Variants in HMCN2 observed in about 807,000 individuals in gnomAD.
The protein encoded by HMCN2 is hemicentin 2, also known as hemicentin-2.
Under a neutral mutation model 377.5 loss-of-function variants are expected in HMCN2, and 325 were observed. The observed-to-expected ratio is 0.86, with a 90% CI of 0.79 to 0.94. The LOEUF is 0.94. Among genes scored for constraint, HMCN2 ranks in the 40% least tolerant of loss-of-function variants. The probability of loss-of-function intolerance (pLI) is 0.00; values close to 1 mark genes in which losing one functional copy is unlikely to be tolerated. For synonymous variants in HMCN2, 2,007 were observed against 2,046.8 expected (o/e 0.98, Z 0.53); for missense variants, 4,543 against 4,725.3 (o/e 0.96, Z 1.13).
chr9:130,295,757 G>A lies in HMCN2; in HGVS notation c.876G>A (p.Gly292=), dbSNP rs1554931852. Reference sequence around the variant, plus strand: ...TAGCCTTTAAGCCTGAGCATCCGGGGCTGTGGTCCATCAAGGTAGGGGCAC... The same window carrying A: ...TAGCCTTTAAGCCTGAGCATCCGGGACTGTGGTCCATCAAGGTAGGGGCAC... ...KVVAFKPEHP[G]LWSIKVYSSG... The change falls in exon 6 of 98, where the codon GGG becomes GGA. Residue 292 remains glycine (G), a synonymous_variant. Coordinates refer to ENST00000683500, the MANE Select transcript of HMCN2 (RefSeq NM_001291815.2). 1 of 470,906 alleles carries A rather than the reference G, an allele frequency of 2.1e-6. No individual in the cohort carries two copies. The highest frequency in any genetic ancestry group is 2.0e-5 in the African/African-American group (1 of 50,064). 29.2% of individuals were successfully genotyped at this position (470,906 alleles called of 1,614,324 possible).
chr9:130,360,751 A>ACCATCCATCCATCCATCCATCCAT lies in HMCN2; in HGVS notation c.5950+162_5950+185dup, dbSNP rs199552416. The ACCATCCATCCATCCATCCATCCAT allele has an allele frequency of 2.1e-5, 6 of 280,512 alleles. No individual in the cohort carries two copies. Among genetic ancestry groups the ACCATCCATCCATCCATCCATCCAT allele is most frequent in the Non-Finnish European group, 3.4e-5 (5 of 145,300 alleles). The allele number at this position is 280,512 out of a possible 1,614,324, so 17.4% of individuals were successfully genotyped here. On this transcript the variant is annotated intron_variant, in intron 38 of 97. Transcript: ENST00000683500. The surrounding 1 kb of genome is among the most constrained non-coding windows in gnomAD (Gnocchi z 4.7). ...ACCCCATCCATCCATCATCCATCCA[A>ACCATCCATCCATCCATCCATCCAT]CCATCCATCCATCCATCCATCCATC...
intron 27 of HMCN2, 98 bp from the exon 28 acceptor site, chr9:130,348,886 C>T: frequency 8.2e-7 from 1 of 1,222,432 alleles, no homozygotes. Flanking sequence ...ACCGTTCTGG[C>T]CACTGGCCAC....
At chr9:130,408,165 G>A (rs1381297724) in intron 83 of HMCN2, among the ~76,000 whole-genome samples, 1 of 152,158 alleles carries the variant, frequency 6.6e-6, no homozygotes, top group Non-Finnish European at 1.5e-5. Context: ...ACAACCTCAG[G>A]ATGGGTGGGG....
intron 85 of HMCN2, 129 bp from the exon 86 acceptor site, chr9:130,418,643 G>A (rs1843819268): frequency 1.4e-6 from 1 of 701,500 alleles, no homozygotes; most frequent in Non-Finnish European, 2.1e-6. Context: ...CTGGGTGGAA[G>A]GATCCTATGC....
rs1250142734 is a variant in HMCN2 at position 130,303,368 on chromosome 9, C to T, written c.1422-119C>T. The T allele has an allele frequency of 2.3e-5, 7 of 305,218 alleles. No homozygotes were observed. The highest frequency in any genetic ancestry group is 1.1e-4 in the African/African-American group (5 of 44,480). The allele number at this position is 305,218 out of a possible 1,614,324, so 18.9% of individuals were successfully genotyped here. A position where few individuals can be genotyped will look rare whatever the true frequency, so the allele number is the denominator to read the frequency against. Reference sequence around the variant, plus strand: ...TGCTTGGCTGTGTATGTCTTCTTACCGCATCTCACAGAGGAATTGGGGTCT... The same window carrying T: ...TGCTTGGCTGTGTATGTCTTCTTACTGCATCTCACAGAGGAATTGGGGTCT... On this transcript the variant is annotated intron_variant, in intron 9 of 97. Transcript: ENST00000683500. The surrounding 1 kb of genome is among the most constrained non-coding windows in gnomAD (Gnocchi z 5.2).
At chr9:130,325,108 T>TA (rs1188062927) in intron 19 of HMCN2, among the ~76,000 whole-genome samples, 1 of 150,524 alleles carries the variant, frequency 6.6e-6, no homozygotes, top group Non-Finnish European at 1.5e-5. Flanking sequence ...TTTTTTTTTT[T>TA]TTTGTAGACA....
intron 26 of HMCN2, chr9:130,348,113 A>C: frequency 1.1e-6 from 1 of 872,706 alleles, no homozygotes; most frequent in Non-Finnish European, 1.4e-6. Flanking sequence ...CCAGCTCCTA[A>C]CGCCACCTGC....
In HMCN2 at chr9:130,414,449, C is replaced by T. The variant is rs535306624; in HGVS notation, c.12961+3797C>T. Among the ~76,000 whole-genome samples, 52 of 152,102 alleles carry T rather than the reference C, an allele frequency of 3.4e-4. No homozygotes were observed. Among genetic ancestry groups the T allele is most frequent in the Non-Finnish European group, 5.6e-4 (38 of 67,978 alleles). On this transcript the variant is annotated intron_variant, in intron 85 of 97. Coordinates refer to ENST00000683500, the MANE Select transcript of HMCN2 (RefSeq NM_001291815.2). The surrounding 1 kb of genome is among the most constrained non-coding windows in gnomAD (Gnocchi z 4.4). ...GGCAGTTTTATAGCTCTGCCAAAAA[C>T]GGAAGATTTAAATAAAAATCCGAGT...
At position 130,397,571 on chromosome 9, in the gene HMCN2, C is replaced by T. The variant is rs1205613702; in HGVS notation, c.11242C>T (p.Leu3748Phe). 3.1e-6 allele frequency: 4 copies of T among 1,289,716 alleles called. No homozygotes were observed. The highest frequency in any genetic ancestry group is 4.0e-6 in the Non-Finnish European group (4 of 988,890). The allele number at this position is 1,289,716 out of a possible 1,614,324, so 79.9% of individuals were successfully genotyped here. The change falls in exon 74 of 98, where the codon CTT becomes TTT. Residue 3748 changes from leucine (L) to phenylalanine (F), a missense_variant. Leu to Phe is a conservative substitution (Grantham distance 22, BLOSUM62 0). This residue lies in a region of HMCN2 where 1,073 missense variants were observed against 1,319.5 expected (regional missense o/e 0.81). Coordinates refer to ENST00000683500, the MANE Select transcript of HMCN2 (RefSeq NM_001291815.2). ...GGGTTCCCTGAGAATCCAGCCAGTC[C>T]TTGCCCAGGACGCCGGCCACTACCT... The part of the protein sequence containing the change: ...PEGSLRIQPV[L>F]AQDAGHYLCL...
chr9:130,324,442 G>C (rs900658760), intron 19 of HMCN2, among the ~76,000 whole-genome samples: 1 of 152,098 alleles, frequency 6.6e-6, no homozygotes, highest in South Asian at 2.1e-4. Context: ...CATAACCCTG[G>C]CTCCCGCCAC....
chr9:130,271,887 A>G (rs1459210245), intron 1 of HMCN2, among the ~76,000 whole-genome samples: 2 of 149,416 alleles, frequency 1.3e-5, no homozygotes, highest in African/African-American at 4.8e-5. Flanking sequence ...TGTCTATATT[A>G]AGCTAAACAT....
At chr9:130,282,336 GT>G (rs1279914245) in intron 1 of HMCN2, among the ~76,000 whole-genome samples, 1 of 152,200 alleles carries the variant, frequency 6.6e-6, no homozygotes, top group Non-Finnish European at 1.5e-5. Context: ...GAGAAATGGC[GT>G]TGTTACATGT....
chr9:130,416,107 T>TTTA (rs1554972528), intron 85 of HMCN2, among the ~76,000 whole-genome samples: 36 of 146,972 alleles, frequency 2.4e-4, no homozygotes, highest in Non-Finnish European at 4.5e-5. Context: ...TTTATTTTTT[T>TTTA]TTTTTTTTTT....
chr9:130,339,970 T>C (rs955580420), intron 23 of HMCN2, among the ~76,000 whole-genome samples: 2 of 152,218 alleles, frequency 1.3e-5, no homozygotes, highest in Non-Finnish European at 2.9e-5. Context: ...CCACCCAGTT[T>C]GGCCCCGCAG....
intron 22 of HMCN2, among the ~76,000 whole-genome samples, chr9:130,330,963 A>G (rs1027925498): frequency 0.025 from 3,106 of 124,952 alleles, 44 homozygotes; most frequent in Middle Eastern, 0.04. Flanking sequence ...CCCTGTCTCT[A>G]CTGAAACACA....
chr9:130,391,892 C>T, intron 65 of HMCN2, 43 bp from the exon 66 acceptor site: 1 of 972,990 alleles, frequency 1.0e-6, no homozygotes, highest in Admixed American at 6.1e-5. Context: ...CACCTTCCTC[C>T]CAAGACCTCC....
intron 86 of HMCN2, among the ~76,000 whole-genome samples, chr9:130,420,374 C>T (rs759277783): frequency 2.7e-4 from 41 of 152,068 alleles, no homozygotes; most frequent in South Asian, 6.2e-4. Context: ...GCGCCCGGCC[C>T]GTCCCACTTC....
At chr9:130,279,850 C>T (rs782550410) in intron 1 of HMCN2, among the ~76,000 whole-genome samples, 7 of 152,218 alleles carry the variant, frequency 4.6e-5, no homozygotes, top group East Asian at 1.9e-4. Context: ...GACAAAGTCA[C>T]GGCTCTTGAG....
intron 1 of HMCN2, among the ~76,000 whole-genome samples, chr9:130,272,758 A>G (rs555592443): frequency 2.6e-5 from 4 of 152,240 alleles, no homozygotes; most frequent in East Asian, 3.9e-4. Flanking sequence ...GGGTCTTGCC[A>G]TATTGCCCAG....
Sources: allele counts gnomAD v4.1 joint callset (sites outside exome capture counted in the v4.1 genomes callset), GRCh38; gene constraint gnomAD v4.1.1; regional missense constraint gnomAD v4.1.1; non-coding constraint Gnocchi (gnomAD v3.1); transcripts MANE v1.5; gene names NCBI Gene and HGNC (gene_info 2026-07-23, HGNC 2026-07-21).